Variants in TRAIP observed in about 807,000 individuals in gnomAD.
TRAIP encodes the protein TRAF interacting protein.
TRAIP carries 37 observed loss-of-function variants against 65.0 expected under a neutral mutation model. The observed-to-expected ratio is 0.57, with a 90% CI of 0.44 to 0.75. The LOEUF (loss-of-function observed/expected upper bound fraction) is 0.75, where lower values mean the gene tolerates loss of function less well. Ranked by LOEUF, TRAIP falls within the 30% of genes least tolerant of loss-of-function variation. The probability of loss-of-function intolerance (pLI) is 0.00; values close to 1 mark genes in which losing one functional copy is unlikely to be tolerated. For missense variants in TRAIP, 481 were observed against 579.4 expected, an observed-to-expected ratio of 0.83 and a Z score of 1.74; for synonymous variants, 187 against 219.1, an observed-to-expected ratio of 0.85 and a Z score of 1.29.
At chr3:49,850,068 C>T (rs1017677182) in intron 1 of TRAIP, among the ~76,000 whole-genome samples, 10 of 151,670 alleles carry the variant, frequency 6.6e-5, no homozygotes, top group East Asian at 1.9e-4. Flanking sequence ...AGTAACCAGG[C>T]GCAGTGGAAT....
chr3:49,847,619 G>A lies in TRAIP; in HGVS notation c.157-11C>T, dbSNP rs139962946. ...GGTTCTTTTGCCAACCTGGATGGGA[G>A]AACAAGGTAAGAGTATGATTGTGTA... is the stretch of plus-strand genomic sequence containing the variant. On this transcript the variant is annotated splice_polypyrimidine_tract_variant and intron_variant, in intron 2 of 14. Transcript: ENST00000331456. 9.1e-5 allele frequency: 146 copies of A among 1,599,158 alleles called. No homozygotes were observed. The African/African-American group carries it at 1.6e-3, about 17-fold the overall frequency.
Position 49,854,917 on chromosome 3 carries a change from A to G in TRAIP, c.98+1439T>C, listed in dbSNP as rs2081959279. Among the ~76,000 whole-genome samples, 12 of 151,326 alleles carry G rather than the reference A, an allele frequency of 7.9e-5. No individual in the cohort carries two copies. The South Asian group carries it at 2.5e-3, about 32-fold the overall frequency. ...ACTAAAAATACAAAAAAAAAAAAATAGTCAAGCATGGTGGCAGGCGCCTGT... is the reference window on the plus strand; with the variant it reads ...ACTAAAAATACAAAAAAAAAAAAATGGTCAAGCATGGTGGCAGGCGCCTGT... On this transcript the variant is annotated intron_variant, in intron 1 of 14. Transcript: ENST00000331456.
chr3:49,829,040 C>G lies in TRAIP; in HGVS notation c.*63G>C. The stretch of plus-strand genomic sequence containing the variant: ...GGGGCTCTGTCCACAAAACCCCTGC[C>G]TGGACAGTCCTTGACCTACAAGTTG... On this transcript the variant is annotated 3_prime_UTR_variant, in exon 15 of 15. Coordinates refer to ENST00000331456, the MANE Select transcript of TRAIP (RefSeq NM_005879.3). The G allele has an allele frequency of 6.2e-7, 1 of 1,611,978 alleles. No individual in the cohort carries two copies. Among genetic ancestry groups the G allele is most frequent in the Non-Finnish European group, 8.5e-7 (1 of 1,178,510 alleles).
intron 1 of TRAIP, among the ~76,000 whole-genome samples, chr3:49,853,605 G>A (rs2081951351): frequency 6.6e-6 from 1 of 152,116 alleles, no homozygotes. Flanking sequence ...CAGCACTTTG[G>A]GAGGCCGAGG....
intron 10 of TRAIP, among the ~76,000 whole-genome samples, chr3:49,833,739 A>C (rs2081756546): frequency 6.6e-6 from 1 of 152,138 alleles, no homozygotes; most frequent in African/African-American, 2.4e-5. Flanking sequence ...TCGGCCTCCC[A>C]AAGTGCTGGT....
chr3:49,845,417 G>C (rs2081873214), intron 3 of TRAIP, among the ~76,000 whole-genome samples: 1 of 152,240 alleles, frequency 6.6e-6, no homozygotes, highest in Admixed American at 6.5e-5. Context: ...AAACCTTACT[G>C]TAGATCACTT....
At chr3:49,844,643 C>G (rs1324606006) in intron 3 of TRAIP, 63 bp from the exon 4 acceptor site, 1 of 1,599,040 alleles carries the variant, frequency 6.3e-7, no homozygotes, top group African/African-American at 1.3e-5. Context: ...ACGTGGTCTC[C>G]CATAAGGCTG....
intron 1 of TRAIP, among the ~76,000 whole-genome samples, chr3:49,854,361 C>T (rs929738833): frequency 2.0e-5 from 3 of 152,140 alleles, no homozygotes; most frequent in Non-Finnish European, 2.9e-5. Context: ...CACACATACA[C>T]ACAATTAAAA....
chr3:49,844,862 G>T (rs2081868901), intron 3 of TRAIP, among the ~76,000 whole-genome samples: 1 of 152,222 alleles, frequency 6.6e-6, no homozygotes, highest in Non-Finnish European at 1.5e-5. Context: ...GTTAAAGTAG[G>T]GCCCCTGTGA....
intron 11 of TRAIP, 78 bp from the exon 12 acceptor site, chr3:49,830,146 T>C: frequency 1.3e-6 from 2 of 1,498,196 alleles, no homozygotes; most frequent in Non-Finnish European, 1.9e-6. Context: ...CACACGCCCC[T>C]TGGGGAGTTA....
rs543309240 is a variant in TRAIP, at chr3:49,843,680, A to G, written c.408+121T>C. 281 of 1,373,032 alleles carry G rather than the reference A, an allele frequency of 2.0e-4. 2 individuals are homozygous for G. In the South Asian group the frequency reaches 3.6e-3, roughly 17 times the overall value. 85.1% of individuals were successfully genotyped at this position (1,373,032 alleles called of 1,614,324 possible). A position where few individuals can be genotyped will look rare whatever the true frequency, so the allele number is the denominator to read the frequency against. On this transcript the variant is annotated intron_variant, in intron 5 of 14. Coordinates refer to ENST00000331456, the MANE Select transcript of TRAIP (RefSeq NM_005879.3). Reference sequence around the variant, plus strand: ...GGAAGAAGTGATTTGCCTCTATTTTACAACTCCCCAAACCAAGGTGATGAC... The same window carrying G: ...GGAAGAAGTGATTTGCCTCTATTTTGCAACTCCCCAAACCAAGGTGATGAC...
At chr3:49,844,138 G>T in intron 4 of TRAIP, 1 of 641,828 alleles carries the variant, frequency 1.6e-6, no homozygotes, top group Non-Finnish European at 2.6e-6. Flanking sequence ...CCCACCTTCT[G>T]CTGCTTGAAC....
At chr3:49,849,631 A>G (rs1333209593) in intron 1 of TRAIP, among the ~76,000 whole-genome samples, 1 of 152,030 alleles carries the variant, frequency 6.6e-6, no homozygotes, top group East Asian at 1.9e-4. Context: ...TCTCAAAAAA[A>G]AAAGTAAGTA....
chr3:49,841,787 C>T lies in TRAIP; in HGVS notation c.617+39G>A, dbSNP rs200012722. On this transcript the variant is annotated intron_variant, in intron 7 of 14. Coordinates refer to ENST00000331456, the MANE Select transcript of TRAIP (RefSeq NM_005879.3). ...AATGACACGGCTGGGGCCCCATGGC[C>T]TATCTCCTGTGTTTGCTGAGAGGGG... 7 of 1,568,042 alleles carry T rather than the reference C, an allele frequency of 4.5e-6. No individual in the cohort carries two copies. In the African/African-American group the frequency reaches 8.1e-5, roughly 18 times the overall value.
At chr3:49,842,776 C>T (rs1393806052) in intron 5 of TRAIP, among the ~76,000 whole-genome samples, 1 of 152,186 alleles carries the variant, frequency 6.6e-6, no homozygotes, top group Admixed American at 6.5e-5. Flanking sequence ...TGCCTGCTTC[C>T]TCCTGAAAGG....
In TRAIP at chr3:49,828,860, C is replaced by T. The variant is rs2081705709; in HGVS notation, c.*243G>A. ...ATGGCTATAAACAGGAGCCTGGCAA[C>T]AGGAGCAGGACCTGCTGACAGGATC... On this transcript the variant is annotated 3_prime_UTR_variant, in exon 15 of 15. Transcript: ENST00000331456. The T allele has an allele frequency of 5.9e-6, 3 of 512,750 alleles. No homozygotes were observed. The highest frequency in any genetic ancestry group is 6.4e-5 in the Admixed American group (2 of 31,150). 31.8% of individuals were successfully genotyped at this position (512,750 alleles called of 1,614,324 possible). A position where few individuals can be genotyped will look rare whatever the true frequency, so the allele number is the denominator to read the frequency against.
chr3:49,841,194 C>T, intron 7 of TRAIP, 122 bp from the exon 8 acceptor site: 2 of 795,254 alleles, frequency 2.5e-6, no homozygotes, highest in Non-Finnish European at 2.1e-6. Flanking sequence ...CCTACTTTGA[C>T]ACCTGAGCCC....
At chr3:49,854,512 T>C (rs1030863263) in intron 1 of TRAIP, among the ~76,000 whole-genome samples, 2 of 152,172 alleles carry the variant, frequency 1.3e-5, no homozygotes, top group African/African-American at 2.4e-5. Context: ...GATAACCACT[T>C]ATAAATGGAA....
chr3:49,841,765 G>T, intron 7 of TRAIP, 61 bp downstream of exon 7: 1 of 1,338,492 alleles, frequency 7.5e-7, no homozygotes, highest in South Asian at 1.2e-5. Context: ...GGGGAGCAAT[G>T]ACACGGCTGG....
Sources: gnomAD v4.1 joint callset for allele counts (sites outside exome capture counted in the v4.1 genomes callset) on GRCh38, gnomAD v4.1.1 for gene constraint, MANE v1.5 for transcripts, NCBI Gene and HGNC (gene_info 2026-07-23, HGNC 2026-07-21) for gene names.